DAB1: variants seen among roughly 807,000 people sequenced by gnomAD.
DAB1 encodes disabled homolog 1.
In DAB1, 15 loss-of-function variants were observed where a neutral mutation model predicts 64.6. The ratio of observed to expected loss-of-function variants is 0.23; its 90% CI spans 0.16 to 0.36. DAB1 has a LOEUF of 0.36. Among genes scored for constraint, DAB1 ranks in the 10% least tolerant of loss-of-function variants. The pLI, the probability that DAB1 is intolerant of heterozygous loss-of-function variation, is 1.00. For missense variants in DAB1, 596 were observed against 706.7 expected, an observed-to-expected ratio of 0.84 and a Z score of 1.78; for synonymous variants, 235 against 251.9, an observed-to-expected ratio of 0.93 and a Z score of 0.64.
intron 2 of DAB1, among the ~76,000 whole-genome samples, chr1:57,185,334 A>G (rs752943863): frequency 1.6e-4 from 24 of 152,162 alleles, no homozygotes; most frequent in Non-Finnish European, 3.1e-4. Flanking sequence ...CAGTTACAAC[A>G]AGTTGGTAAT....
At chr1:57,748,159 C>T (rs568029328) in intron 6 of DAB1, among the ~76,000 whole-genome samples, 59 of 152,308 alleles carry the variant, frequency 3.9e-4, no homozygotes, top group African/African-American at 1.3e-3. Context: ...AAAGCTCACT[C>T]TGCAAAGAAG....
intron 6 of DAB1, among the ~76,000 whole-genome samples, chr1:57,763,052 C>T (rs1277473917): frequency 6.6e-6 from 1 of 152,168 alleles, no homozygotes; most frequent in Non-Finnish European, 1.5e-5. Context: ...CATTGTCATC[C>T]ACTCTACCAC....
At chr1:58,068,930 C>A (rs1269819151) in intron 5 of DAB1, among the ~76,000 whole-genome samples, 1 of 152,168 alleles carries the variant, frequency 6.6e-6, no homozygotes, top group Non-Finnish European at 1.5e-5. Flanking sequence ...ACACACAACA[C>A]CACAGTCTCC....
At chr1:58,284,070 G>A (rs1569600626) in intron 4 of DAB1, among the ~76,000 whole-genome samples, 1 of 152,190 alleles carries the variant, frequency 6.6e-6, no homozygotes, top group East Asian at 1.9e-4. Flanking sequence ...TCTCTGGCAA[G>A]CCATCCAACA....
intron 6 of DAB1, among the ~76,000 whole-genome samples, chr1:57,703,864 G>A (rs13328729): frequency 0.3 from 45,412 of 152,014 alleles, 7,007 homozygotes; most frequent in East Asian, 0.45. Context: ...CATAAGAAAA[G>A]AATGAGATCA....
chr1:58,459,482 C>T (rs746298887), intron 3 of DAB1, among the ~76,000 whole-genome samples: 6 of 152,106 alleles, frequency 3.9e-5, no homozygotes, highest in South Asian at 4.1e-4. Flanking sequence ...GGATCTTTAC[C>T]ACATGGGCGT....
intron 7 of DAB1, among the ~76,000 whole-genome samples, chr1:57,514,428 A>G (rs1267207434): frequency 1.3e-5 from 2 of 152,144 alleles, no homozygotes; most frequent in African/African-American, 4.8e-5. Context: ...TCTGATGTTT[A>G]GTCATGTTAC....
intron 1 of DAB1, among the ~76,000 whole-genome samples, chr1:57,302,942 C>T (rs938310342): frequency 2.6e-5 from 4 of 152,178 alleles, no homozygotes; most frequent in Admixed American, 2.6e-4. Flanking sequence ...AATGCGATGA[C>T]TGAATACATG....
At chr1:57,182,242 T>C (rs754701441) in intron 2 of DAB1, among the ~76,000 whole-genome samples, 2 of 152,184 alleles carry the variant, frequency 1.3e-5, no homozygotes, top group Non-Finnish European at 2.9e-5. Context: ...ATTGTAGTAA[T>C]AGAGGTTCAA....
At chr1:57,302,274 G>A (rs529881214) in intron 1 of DAB1, among the ~76,000 whole-genome samples, 5 of 152,052 alleles carry the variant, frequency 3.3e-5, no homozygotes, top group Non-Finnish European at 5.9e-5. Flanking sequence ...TGTTGTTTCC[G>A]GATTTGTGAA....
chr1:58,379,103 C>T (rs977039343), intron 3 of DAB1, among the ~76,000 whole-genome samples: 8 of 151,726 alleles, frequency 5.3e-5, no homozygotes, highest in African/African-American at 1.2e-4. Context: ...GAGATGAACC[C>T]GGTACCTCAG....
At chr1:58,047,962 A>G (rs1383613518) in intron 5 of DAB1, 3 of 506,472 alleles carry the variant, frequency 5.9e-6, no homozygotes, top group Non-Finnish European at 1.1e-5. Flanking sequence ...CTTTCCACAG[A>G]ACAGCAACTA....
At chr1:58,365,142 T>A (rs1259621201) in intron 3 of DAB1, among the ~76,000 whole-genome samples, 3 of 152,232 alleles carry the variant, frequency 2.0e-5, no homozygotes, top group Non-Finnish European at 4.4e-5. Flanking sequence ...CTTGGTTCAG[T>A]GGCATGAGAA....
chr1:57,528,286 C>G (rs1644617297), intron 7 of DAB1, among the ~76,000 whole-genome samples: 1 of 151,862 alleles, frequency 6.6e-6, no homozygotes. Context: ...TAGAATAAAG[C>G]ATTAGTGAAC....
intron 3 of DAB1, among the ~76,000 whole-genome samples, chr1:58,489,255 T>G (rs1645632199): frequency 6.6e-6 from 1 of 152,158 alleles, no homozygotes; most frequent in African/African-American, 2.4e-5. Flanking sequence ...AATACTGCAA[T>G]TTTCCGACGG....
At chr1:57,730,415 T>A (rs555740506) in intron 6 of DAB1, among the ~76,000 whole-genome samples, 1 of 152,202 alleles carries the variant, frequency 6.6e-6, no homozygotes, top group Non-Finnish European at 1.5e-5. Flanking sequence ...AATTTCCTCC[T>A]AGAAGGAGAG....
At chr1:57,636,107 A>AAAAC (rs1553202394) in intron 7 of DAB1, among the ~76,000 whole-genome samples, 1 of 149,526 alleles carries the variant, frequency 6.7e-6, no homozygotes, top group South Asian at 2.1e-4. Flanking sequence ...AAAAAAAAAA[A>AAAAC]AAAAAACAAA....
At chr1:57,200,922 G>A (rs779483437) in intron 2 of DAB1, among the ~76,000 whole-genome samples, 17 of 152,146 alleles carry the variant, frequency 1.1e-4, no homozygotes, top group African/African-American at 4.1e-4. Flanking sequence ...TTCATTACAG[G>A]GTCCTTATTA....
At chr1:58,383,171 T>G (rs544511209) in intron 3 of DAB1, among the ~76,000 whole-genome samples, 1 of 152,234 alleles carries the variant, frequency 6.6e-6, no homozygotes, top group Non-Finnish European at 1.5e-5. Flanking sequence ...GATCTGTTAG[T>G]GAGCAGAGTA....
Sources: gnomAD v4.1 joint callset for allele counts (sites outside exome capture counted in the v4.1 genomes callset) on GRCh38, gnomAD v4.1.1 for gene constraint, MANE v1.5 for transcripts, NCBI Gene and HGNC (gene_info 2026-07-23, HGNC 2026-07-21) for gene names.